The following PCDHGA12 variants were observed in gnomAD, a reference collection of about 807,000 sequenced individuals.
PCDHGA12 encodes the protein protocadherin gamma-A12.
Under a neutral mutation model 61.1 loss-of-function variants are expected in PCDHGA12, and 43 were observed. The ratio of observed to expected loss-of-function variants is 0.70; its 90% confidence interval spans 0.55 to 0.91. The LOEUF (loss-of-function observed/expected upper bound fraction) is 0.91. Among genes scored for constraint, PCDHGA12 ranks in the 40% least tolerant of loss-of-function variants. The pLI is 0.00. For missense variants in PCDHGA12, 1,236 were observed against 1,227.7 expected (o/e 1.01, Z -0.10); for synonymous variants, 520 against 542.9 (o/e 0.96, Z 0.59).
At chr5:141,469,081 A>C (rs1451214440) in intron 1 of PCDHGA12, among the ~76,000 whole-genome samples, 1 of 151,790 alleles carries the variant, frequency 6.6e-6, no homozygotes, top group Non-Finnish European at 1.5e-5. Context: ...GTTTGAGACC[A>C]TTCTAGGCAA....
chr5:141,430,655 G>T lies in PCDHGA12; in HGVS notation c.-105G>T, dbSNP rs1309165721. 17 of 1,084,938 alleles carry T rather than the reference G, an allele frequency of 1.6e-5. No individual in the cohort carries two copies. Among genetic ancestry groups the T allele is most frequent in the Non-Finnish European group, 2.2e-5 (17 of 781,620 alleles). The allele number at this position is 1,084,938 out of a possible 1,614,324, so 67.2% of individuals were successfully genotyped here. A position where few individuals can be genotyped will look rare whatever the true frequency, so the allele number is the denominator to read the frequency against. On this transcript the variant is annotated 5_prime_UTR_variant, in exon 1 of 4. Transcript: ENST00000252085. ...ATCCCTGGGAGTATGTGGAAACAACGGAGGAGCTCTGACTTCCCAACTGTC... is the reference window on the plus strand; with the variant it reads ...ATCCCTGGGAGTATGTGGAAACAACTGAGGAGCTCTGACTTCCCAACTGTC...
Position 141,456,055 on chromosome 5 carries a change from G to A in PCDHGA12, c.2424+22872G>A, listed in dbSNP as rs78682041. On this transcript the variant is annotated intron_variant, in intron 1 of 3. Coordinates refer to ENST00000252085, the MANE Select transcript of PCDHGA12 (RefSeq NM_003735.3). Reference sequence around the variant, plus strand: ...TGGGACTACAGGCGCCCACCACCACGTCCGGCTAATTTTTTGTATTTTCAG... The same window carrying A: ...TGGGACTACAGGCGCCCACCACCACATCCGGCTAATTTTTTGTATTTTCAG... Among the ~76,000 whole-genome samples, 302 of 151,836 alleles carry A rather than the reference G, an allele frequency of 2.0e-3. 1 individual carries two copies. The highest frequency in any genetic ancestry group is 0.01 in the Middle Eastern group (3 of 292).
At chr5:141,437,878 C>A (rs1047761465) in intron 1 of PCDHGA12, among the ~76,000 whole-genome samples, 13 of 151,996 alleles carry the variant, frequency 8.6e-5, no homozygotes, top group Non-Finnish European at 1.5e-4. Flanking sequence ...GCTGGGACTA[C>A]AGGCACACGC....
intron 1 of PCDHGA12, chr5:141,478,174 G>GA (rs1156842877): frequency 3.7e-6 from 6 of 1,613,692 alleles, no homozygotes; most frequent in South Asian, 1.1e-5. Context: ...CCCGGGAGCA[G>GA]AAAAAAAATC....
intron 1 of PCDHGA12, chr5:141,478,675 G>A (rs1264846161): frequency 6.4e-7 from 1 of 1,551,574 alleles, no homozygotes; most frequent in South Asian, 1.2e-5. Context: ...ACTTTCAACT[G>A]GCCCTTCCTA....
chr5:141,495,469 C>G (rs1398171981), intron 2 of PCDHGA12, among the ~76,000 whole-genome samples: 1 of 152,220 alleles, frequency 6.6e-6, no homozygotes, highest in Non-Finnish European at 1.5e-5. Flanking sequence ...TGTGGGGTCT[C>G]CGTGTCTCTG....
In PCDHGA12 at chr5:141,433,056, G is replaced by T. The variant is rs1422450948; in HGVS notation, c.2297G>T (p.Ser766Ile). ...TCCCTCACCACGGACTCGCGGAAGA[G>T]TCACCTGATCTTCCCCCAGCCCAAC... ...EVSLTTDSRK[S>I]HLIFPQPNYA... Residue 766 changes from serine to isoleucine, a missense_variant, in exon 1 of 4, where the codon AGT becomes ATT. Coordinates refer to ENST00000252085, the MANE Select transcript of PCDHGA12 (RefSeq NM_003735.3). The T allele has an allele frequency of 6.8e-6, 11 of 1,614,086 alleles. No homozygotes were observed. In the South Asian group the frequency reaches 1.1e-4, roughly 16 times the overall value.
intron 1 of PCDHGA12, among the ~76,000 whole-genome samples, chr5:141,444,241 G>A (rs1302797543): frequency 3.1e-5 from 4 of 130,308 alleles, no homozygotes; most frequent in Admixed American, 1.9e-4. Flanking sequence ...GCATGCTCTC[G>A]GCTCACTGCA....
At chr5:141,499,908 G>T (rs903753761) in intron 2 of PCDHGA12, among the ~76,000 whole-genome samples, 1 of 151,980 alleles carries the variant, frequency 6.6e-6, no homozygotes, top group African/African-American at 2.4e-5. Flanking sequence ...GGCTGGTCTT[G>T]AACTCCTGGC....
intron 1 of PCDHGA12, chr5:141,441,809 C>A: frequency 2.7e-6 from 1 of 373,176 alleles, no homozygotes; most frequent in East Asian, 9.0e-5. Context: ...GGGTGCTGTA[C>A]CCCAGCTCTG....
intron 1 of PCDHGA12, among the ~76,000 whole-genome samples, chr5:141,463,810 A>G (rs1469182885): frequency 6.6e-6 from 1 of 152,178 alleles, no homozygotes; most frequent in Non-Finnish European, 1.5e-5. Context: ...AAAAGCTTTT[A>G]TCACACATTT....
chr5:141,509,825 C>A (rs1057042581), intron 3 of PCDHGA12, among the ~76,000 whole-genome samples: 18 of 152,222 alleles, frequency 1.2e-4, no homozygotes, highest in African/African-American at 1.2e-4. Context: ...TCTCCATCTT[C>A]TCTCTACCTC....
At chr5:141,508,681 C>T (rs970069) in intron 3 of PCDHGA12, among the ~76,000 whole-genome samples, 26,289 of 151,984 alleles carry the variant, frequency 0.17, 2,539 homozygotes, top group Admixed American at 0.29. Flanking sequence ...CTCCCTTCTC[C>T]CTGCTTCTCC....
At position 141,491,117 on chromosome 5, in the gene PCDHGA12, G is replaced by A; in HGVS notation, c.2425-3690G>A. ...CTGTTCCTCGTGTCTACACACACTGGTGAGGTGCGCACAGCCCGGGCCTTA... is the reference window on the plus strand; with the variant it reads ...CTGTTCCTCGTGTCTACACACACTGATGAGGTGCGCACAGCCCGGGCCTTA... On this transcript the variant is annotated intron_variant, in intron 1 of 3. Coordinates refer to ENST00000252085, the MANE Select transcript of PCDHGA12 (RefSeq NM_003735.3). The surrounding 1 kb of genome is among the most constrained non-coding windows in gnomAD (Gnocchi z 6.9). 1 of 1,614,196 alleles carries A rather than the reference G, an allele frequency of 6.2e-7. No homozygotes were observed.
intron 1 of PCDHGA12, among the ~76,000 whole-genome samples, chr5:141,470,598 G>A (rs2099234276): frequency 6.6e-6 from 1 of 152,184 alleles, no homozygotes; most frequent in Admixed American, 6.5e-5. Flanking sequence ...GGCGACCTGT[G>A]CGGGGACACA....
chr5:141,500,430 C>T (rs2099800127), intron 2 of PCDHGA12, among the ~76,000 whole-genome samples: 1 of 151,676 alleles, frequency 6.6e-6, no homozygotes, highest in African/African-American at 2.4e-5. Context: ...AGGATGGTCT[C>T]GATCTCCTGA....
chr5:141,432,766 C>G lies in PCDHGA12; in HGVS notation c.2007C>G (p.Pro669=). Residue 669 remains proline (P), a synonymous_variant, in exon 1 of 4, where the codon CCC becomes CCG. Transcript: ENST00000252085. This position sits in a 1 kb window ranked among gnomAD's most constrained non-coding sequence, Gnocchi z 6.0. ...TLTVAVADSI[P]QVLADLGSLE... Reference sequence around the variant, plus strand: ...CCGTGGCCGTGGCCGACAGCATCCCCCAAGTCCTGGCGGACCTCGGCAGCC... The same window carrying G: ...CCGTGGCCGTGGCCGACAGCATCCCGCAAGTCCTGGCGGACCTCGGCAGCC... 6.2e-7 allele frequency: 1 copy of G among 1,614,160 alleles called. No individual in the cohort carries two copies. The highest frequency in any genetic ancestry group is 8.5e-7 in the Non-Finnish European group (1 of 1,179,994).
At position 141,508,878 on chromosome 5, in the gene PCDHGA12, C is replaced by A. The variant is rs189735747; in HGVS notation, c.2573-2069C>A. The stretch of plus-strand genomic sequence containing the variant: ...GGCTGGGAAAGGCTGAAGAGGCTGA[C>A]GGCTGGAGGGGAGGGGGCGGGGCGG... On this transcript the variant is annotated intron_variant, in intron 3 of 3. Transcript: ENST00000252085. Among the ~76,000 whole-genome samples, 561 of 152,074 alleles carry A rather than the reference C, an allele frequency of 3.7e-3. 3 individuals carry two copies. The highest frequency in any genetic ancestry group is 0.012 in the African/African-American group (508 of 41,498).
In PCDHGA12 at chr5:141,489,483, T is replaced by C. The variant is rs2099687756; in HGVS notation, c.2425-5324T>C. ...GCTATTTTTCCCTGAGCTTGATGAGTGGTGCCCTGGCAGTGAATCAAAAGA... is the reference window on the plus strand; with the variant it reads ...GCTATTTTTCCCTGAGCTTGATGAGCGGTGCCCTGGCAGTGAATCAAAAGA... On this transcript the variant is annotated intron_variant, in intron 1 of 3. Coordinates refer to ENST00000252085, the MANE Select transcript of PCDHGA12 (RefSeq NM_003735.3). This position sits in a 1 kb window ranked among gnomAD's most constrained non-coding sequence, Gnocchi z 4.5. 1 of 1,613,862 alleles carries C rather than the reference T, an allele frequency of 6.2e-7. No individual in the cohort carries two copies. The highest frequency in any genetic ancestry group is 1.1e-5 in the South Asian group (1 of 91,078).
Sources: allele counts gnomAD v4.1 joint callset (sites outside exome capture counted in the v4.1 genomes callset), GRCh38; gene constraint gnomAD v4.1.1; non-coding constraint Gnocchi (gnomAD v3.1); transcripts MANE v1.5; gene names NCBI Gene and HGNC (gene_info 2026-07-23, HGNC 2026-07-21).